CAMTA1: variants seen among roughly 807,000 people sequenced by gnomAD.
CAMTA1 encodes calmodulin binding transcription activator 1, also known as calmodulin-binding transcription activator 1.
CAMTA1 carries 27 observed loss-of-function variants against 170.9 expected under a neutral mutation model. That is an observed-to-expected ratio of 0.16 (90% confidence interval 0.12 to 0.22). CAMTA1 has a LOEUF of 0.22. Among genes scored for constraint, CAMTA1 ranks in the 10% least tolerant of loss-of-function variants. The probability of loss-of-function intolerance (pLI) is 1.00; values close to 1 mark genes in which losing one functional copy is unlikely to be tolerated. For missense variants in CAMTA1, 1,619 were observed against 2,217.2 expected (o/e 0.73, Z 5.42); for synonymous variants, 833 against 891.5 (o/e 0.93, Z 1.17).
In CAMTA1 at chr1:6,798,778, A is replaced by G. The variant is rs1643209519; in HGVS notation, c.45+13203A>G. Among the ~76,000 whole-genome samples, 3 of 149,454 alleles carry G rather than the reference A, an allele frequency of 2.0e-5. No individual in the cohort carries two copies. The South Asian group carries it at 6.5e-4, about 32-fold the overall frequency. On this transcript the variant is annotated intron_variant, in intron 1 of 22. Transcript: ENST00000303635. ...CGCCCGGCTAATTTTTTGTATTTTT[A>G]GTAGAGACGGGGTTTCACCTTGTTA...
At chr1:7,517,894 G>A (rs2094308631) in intron 6 of CAMTA1, among the ~76,000 whole-genome samples, 1 of 151,970 alleles carries the variant, frequency 6.6e-6, no homozygotes, top group African/African-American at 2.4e-5. Flanking sequence ...CCCCCAGGAG[G>A]CCTGGAGGAC....
At chr1:7,197,751 C>G (rs1655835870) in intron 4 of CAMTA1, among the ~76,000 whole-genome samples, 1 of 151,548 alleles carries the variant, frequency 6.6e-6, no homozygotes, top group South Asian at 2.1e-4. Context: ...TTCCCTTTTC[C>G]TAGTTGAGAA....
intron 5 of CAMTA1, among the ~76,000 whole-genome samples, chr1:7,308,117 A>T (rs1675872746): frequency 6.6e-6 from 1 of 151,158 alleles, no homozygotes; most frequent in Non-Finnish European, 1.5e-5. Flanking sequence ...AGATTGGTTT[A>T]TTTCATCTAA....
chr1:6,797,301 T>G (rs551698594), intron 1 of CAMTA1, among the ~76,000 whole-genome samples: 2 of 151,998 alleles, frequency 1.3e-5, no homozygotes, highest in Non-Finnish European at 2.9e-5. Context: ...GCTCAAGTGA[T>G]CCTCCTGCAT....
rs1361766568 is a variant in CAMTA1 at position 6,916,107 on chromosome 1, G to A, written c.234+90897G>A. Among the ~76,000 whole-genome samples, 12 of 152,094 alleles carry A rather than the reference G, an allele frequency of 7.9e-5. No homozygotes were observed. In the South Asian group the frequency reaches 2.5e-3, roughly 32 times the overall value. ...CGACCAGGCTGCCAGAGAAGGGGAC[G>A]AGAAGGGAGCCAGGGGCATGTGATG... On this transcript the variant is annotated intron_variant, in intron 3 of 22. Coordinates refer to ENST00000303635, the MANE Select transcript of CAMTA1 (RefSeq NM_015215.4).
chr1:7,638,190 T>C, intron 6 of CAMTA1, among the ~76,000 whole-genome samples: 1 of 152,206 alleles, frequency 6.6e-6, no homozygotes, highest in Admixed American at 6.5e-5. Context: ...CCAGGACTCA[T>C]GGTTGAGTCT....
intron 3 of CAMTA1, among the ~76,000 whole-genome samples, chr1:7,019,015 C>G (rs1310235328): frequency 6.6e-6 from 1 of 152,190 alleles, no homozygotes; most frequent in Non-Finnish European, 1.5e-5. Flanking sequence ...CTGTGCACCT[C>G]CATCCTGGCA....
chr1:7,726,105 G>C (rs1162464841), intron 11 of CAMTA1, among the ~76,000 whole-genome samples: 1 of 152,260 alleles, frequency 6.6e-6, no homozygotes, highest in Non-Finnish European at 1.5e-5. Flanking sequence ...CTTTGCCTGA[G>C]TCTTTAGATC....
At chr1:6,912,467 C>T (rs1177908398) in intron 3 of CAMTA1, among the ~76,000 whole-genome samples, 3 of 152,236 alleles carry the variant, frequency 2.0e-5, no homozygotes, top group Non-Finnish European at 4.4e-5. Flanking sequence ...ACCACTCTAT[C>T]CTCTGGATTT....
chr1:7,540,948 G>T (rs997299362), intron 6 of CAMTA1, among the ~76,000 whole-genome samples: 1 of 152,194 alleles, frequency 6.6e-6, no homozygotes, highest in Non-Finnish European at 1.5e-5. Context: ...TTAGCTAATG[G>T]CACGTCCCAG....
At chr1:7,583,831 G>A (rs894145872) in intron 6 of CAMTA1, among the ~76,000 whole-genome samples, 8 of 152,148 alleles carry the variant, frequency 5.3e-5, no homozygotes, top group African/African-American at 1.4e-4. Context: ...AGAAGGTGCC[G>A]TCTCCCGGGA....
intron 5 of CAMTA1, among the ~76,000 whole-genome samples, chr1:7,270,257 ACACACACACAC>A (rs1235984668): frequency 3.2e-5 from 1 of 30,808 alleles, no homozygotes; most frequent in East Asian, 6.5e-4. Context: ...ACACACACAC[ACACACACACAC>A]ACACACATAT....
intron 3 of CAMTA1, among the ~76,000 whole-genome samples, chr1:6,904,876 A>AGCC (rs1347929791): frequency 6.6e-6 from 1 of 150,986 alleles, no homozygotes; most frequent in African/African-American, 2.4e-5. Flanking sequence ...TACAGGCGTG[A>AGCC]GCCGCCACAC....
intron 5 of CAMTA1, chr1:7,389,266 G>A (rs998110553): frequency 4.6e-5 from 7 of 152,340 alleles, no homozygotes; most frequent in African/African-American, 1.2e-4. Flanking sequence ...CTCTGGGCTC[G>A]GCAGGAGCCT....
intron 3 of CAMTA1, among the ~76,000 whole-genome samples, chr1:6,960,621 C>T (rs949464866): frequency 6.6e-6 from 1 of 152,218 alleles, no homozygotes; most frequent in African/African-American, 2.4e-5. Flanking sequence ...GTTGATACCT[C>T]CGGAATAGTC....
chr1:7,365,873 G>A (rs543720856), intron 5 of CAMTA1, among the ~76,000 whole-genome samples: 53 of 152,282 alleles, frequency 3.5e-4, no homozygotes, highest in African/African-American at 1.2e-3. Flanking sequence ...GCACTCCTCC[G>A]GGCAGCTCCT....
chr1:7,191,748 C>T (rs112853559), intron 4 of CAMTA1, among the ~76,000 whole-genome samples: 32 of 152,238 alleles, frequency 2.1e-4, no homozygotes, highest in South Asian at 8.3e-4. Flanking sequence ...GGGGAAGAAA[C>T]GCTTTGTCAT....
At chr1:7,392,777 G>A (rs2088867088) in intron 5 of CAMTA1, among the ~76,000 whole-genome samples, 1 of 152,026 alleles carries the variant, frequency 6.6e-6, no homozygotes, top group South Asian at 2.1e-4. Context: ...GGGAGGCTGA[G>A]GCATGAGAAT....
chr1:6,933,667 A>ATTTT (rs376754402), intron 3 of CAMTA1, among the ~76,000 whole-genome samples: 1 of 135,154 alleles, frequency 7.4e-6, no homozygotes, highest in African/African-American at 2.7e-5. Context: ...TTCGTTTTTC[A>ATTTT]TTTTTTTTTT....
Sources: gnomAD v4.1 joint callset for allele counts (sites outside exome capture counted in the v4.1 genomes callset) on GRCh38, gnomAD v4.1.1 for gene constraint, MANE v1.5 for transcripts, NCBI Gene and HGNC (gene_info 2026-07-23, HGNC 2026-07-21) for gene names.